Variants in NELL2 observed in about 807,000 individuals in gnomAD.
NELL2 encodes the protein protein kinase C-binding protein NELL2.
Under a neutral mutation model 109.6 loss-of-function variants are expected in NELL2, and 41 were observed. The observed-to-expected ratio is 0.37, with a 90% CI of 0.29 to 0.49. The LOEUF is 0.49. NELL2 is among the 20% of genes least tolerant of loss of function. The probability of loss-of-function intolerance (pLI) is 0.98; values close to 1 mark genes in which losing one functional copy is unlikely to be tolerated. For missense variants in NELL2, 900 were observed against 1,008.3 expected, an observed-to-expected ratio of 0.89 and a Z score of 1.45; for synonymous variants, 355 against 344.7, an observed-to-expected ratio of 1.03 and a Z score of -0.33.
At chr12:44,843,664 G>A (rs1361391805) in intron 2 of NELL2, among the ~76,000 whole-genome samples, 1 of 152,176 alleles carries the variant, frequency 6.6e-6, no homozygotes, top group Admixed American at 6.5e-5. Context: ...TCTGGAGTCT[G>A]GGAAGTTCAA....
intron 15 of NELL2, among the ~76,000 whole-genome samples, chr12:44,543,892 C>T (rs1942683221): frequency 6.6e-6 from 1 of 152,036 alleles, no homozygotes; most frequent in Non-Finnish European, 1.5e-5. Flanking sequence ...CTCCTTATTC[C>T]TATAATAAGG....
chr12:44,532,542 G>T, intron 16 of NELL2, 39 bp downstream of exon 16: 1 of 1,593,294 alleles, frequency 6.3e-7, no homozygotes, highest in South Asian at 1.1e-5. Context: ...TCAAGTTCAA[G>T]AGAAGTTCTT....
At chr12:44,787,861 T>TA (rs1454724904) in intron 3 of NELL2, among the ~76,000 whole-genome samples, 1 of 151,926 alleles carries the variant, frequency 6.6e-6, no homozygotes, top group Non-Finnish European at 1.5e-5. Flanking sequence ...ACTGTTAGGA[T>TA]AAAAAAAGGA....
intron 3 of NELL2, among the ~76,000 whole-genome samples, chr12:44,808,297 T>C (rs1943070637): frequency 6.6e-6 from 1 of 152,056 alleles, no homozygotes; most frequent in East Asian, 1.9e-4. Flanking sequence ...TCACATCACC[T>C]ATATAAAAAT....
chr12:44,728,255 T>C (rs368858214), intron 9 of NELL2, among the ~76,000 whole-genome samples: 1 of 152,044 alleles, frequency 6.6e-6, no homozygotes, highest in Non-Finnish European at 1.5e-5. Flanking sequence ...TTTTTTTAAA[T>C]GACCAAACAG....
intron 1 of NELL2, among the ~76,000 whole-genome samples, chr12:44,908,747 C>T (rs1824435082): frequency 6.6e-6 from 1 of 151,966 alleles, no homozygotes; most frequent in Admixed American, 6.6e-5. Flanking sequence ...CTGTTACAGA[C>T]ACAGCACTCA....
chr12:44,916,934 T>TG (rs1945833268), upstream of NELL2, among the ~76,000 whole-genome samples: 1 of 152,212 alleles, frequency 6.6e-6, no homozygotes, highest in Non-Finnish European at 1.5e-5. Flanking sequence ...CCATTTCACC[T>TG]TCAAATATCC....
chr12:44,878,654 C>T (rs1359802141), upstream of NELL2, among the ~76,000 whole-genome samples: 3 of 152,138 alleles, frequency 2.0e-5, no homozygotes, highest in South Asian at 6.2e-4. Flanking sequence ...AATATACATA[C>T]TTAACTTTTC....
chr12:44,844,498 A>C (rs2136759258), intron 2 of NELL2, among the ~76,000 whole-genome samples: 1 of 152,350 alleles, frequency 6.6e-6, no homozygotes. Flanking sequence ...AAAACTAAGC[A>C]ATTGTAAAAA....
At chr12:44,856,322 G>A (rs896381987) in intron 2 of NELL2, among the ~76,000 whole-genome samples, 2 of 152,134 alleles carry the variant, frequency 1.3e-5, no homozygotes, top group African/African-American at 2.4e-5. Context: ...ATCCCTGCCC[G>A]CATGCACTTT....
intron 9 of NELL2, among the ~76,000 whole-genome samples, chr12:44,754,662 C>T (rs1229760388): frequency 1.3e-5 from 2 of 152,048 alleles, no homozygotes; most frequent in African/African-American, 4.8e-5. Flanking sequence ...GATAAAATGA[C>T]TGCTATTTAT....
intron 1 of NELL2, among the ~76,000 whole-genome samples, chr12:44,892,916 A>G (rs550950620): frequency 4.9e-4 from 75 of 152,266 alleles, no homozygotes; most frequent in African/African-American, 1.8e-3. Context: ...CCCAAGATCC[A>G]AACTATTAAA....
chr12:44,589,384 TTTTATTTA>T (rs35746362), intron 15 of NELL2, among the ~76,000 whole-genome samples: 1 of 149,774 alleles, frequency 6.7e-6, no homozygotes, highest in Non-Finnish European at 1.5e-5. Context: ...GAGACACTAC[TTTTATTTA>T]TTTATTTATT....
At chr12:44,742,470 C>T (rs370983577) in intron 9 of NELL2, among the ~76,000 whole-genome samples, 7 of 152,158 alleles carry the variant, frequency 4.6e-5, no homozygotes, top group South Asian at 2.1e-4. Flanking sequence ...ATGACTTTGA[C>T]GAGTTGAGAG....
intron 13 of NELL2, among the ~76,000 whole-genome samples, chr12:44,632,032 T>A (rs1476651293): frequency 6.6e-6 from 1 of 152,114 alleles, no homozygotes; most frequent in Admixed American, 6.6e-5. Flanking sequence ...GGCCAATCAA[T>A]CCATGAAATT....
chr12:44,788,844 C>G (rs1942276515), intron 3 of NELL2, among the ~76,000 whole-genome samples: 1 of 152,064 alleles, frequency 6.6e-6, no homozygotes, highest in African/African-American at 2.4e-5. Flanking sequence ...GTAAGACCGC[C>G]CCTTTGAATT....
chr12:44,540,349 G>T (rs187362720), intron 15 of NELL2, among the ~76,000 whole-genome samples: 1 of 152,260 alleles, frequency 6.6e-6, no homozygotes, highest in African/African-American at 2.4e-5. Flanking sequence ...AGGTGAAGTG[G>T]TAGAGATAGA....
At chr12:44,669,976 C>G (rs1948081405) in intron 12 of NELL2, among the ~76,000 whole-genome samples, 1 of 152,222 alleles carries the variant, frequency 6.6e-6, no homozygotes, top group South Asian at 2.1e-4. Flanking sequence ...AAGTCAAAGA[C>G]AAACAGCAAG....
intron 15 of NELL2, among the ~76,000 whole-genome samples, chr12:44,599,199 A>C (rs1460568255): frequency 1.3e-5 from 2 of 152,226 alleles, no homozygotes; most frequent in Non-Finnish European, 2.9e-5. Flanking sequence ...AGACACCAAA[A>C]GTCCAAAACA....
Sources: allele counts gnomAD v4.1 joint callset (sites outside exome capture counted in the v4.1 genomes callset), GRCh38; gene constraint gnomAD v4.1.1; transcripts MANE v1.5; gene names NCBI Gene and HGNC (gene_info 2026-07-23, HGNC 2026-07-21).